Variants in DSTYK observed in about 807,000 individuals in gnomAD.
The protein encoded by DSTYK is dual serine/threonine and tyrosine protein kinase.
DSTYK carries 34 observed loss-of-function variants against 98.7 expected under a neutral mutation model. That is an observed-to-expected ratio of 0.34 (90% CI 0.26 to 0.46). The LOEUF is 0.46. Among genes scored for constraint, DSTYK ranks in the 20% least tolerant of loss-of-function variants. The pLI is 1.00. For missense variants in DSTYK, 962 were observed against 1,181.7 expected (o/e 0.81, Z 2.73); for synonymous variants, 462 against 457.3 (o/e 1.01, Z -0.13).
Position 205,147,665 on chromosome 1 carries a change from T to C in DSTYK, c.2683A>G (p.Lys895Glu). The C allele has an allele frequency of 6.2e-7, 1 of 1,614,116 alleles. No individual in the cohort carries two copies. The highest frequency in any genetic ancestry group is 2.2e-5 in the East Asian group (1 of 44,870). Residue 895 changes from lysine (K) to glutamate (E), a missense_variant, in exon 13 of 13, where the codon AAG (lysine) becomes GAG (glutamate). Lys to Glu is a moderately conservative substitution (Grantham distance 56). This residue lies in a region of DSTYK where 65 missense variants were observed against 63.9 expected (regional missense o/e 1.02). Coordinates refer to ENST00000367162, the MANE Select transcript of DSTYK (RefSeq NM_015375.3). ...TGGACAATGCCCAAGAGAGGCCTCT[T>C]CAAGGGGTCGCCATCCCAACAGGCT... is the stretch of plus-strand genomic sequence containing the variant. ...MEACWDGDPL[K>E]RPLLGIVQPM...
intron 2 of DSTYK, among the ~76,000 whole-genome samples, chr1:205,184,018 AAAGAG>A (rs1284977736): frequency 1.3e-5 from 2 of 152,198 alleles, no homozygotes; most frequent in Non-Finnish European, 2.9e-5. Context: ...TTCCTCAAGA[AAAGAG>A]AAGAGAGAAT....
intron 1 of DSTYK, among the ~76,000 whole-genome samples, chr1:205,205,891 C>G (rs1177938856): frequency 1.3e-5 from 2 of 152,180 alleles, no homozygotes; most frequent in African/African-American, 4.8e-5. Flanking sequence ...ATAAAAAAAA[C>G]CTGAGAATTA....
At chr1:205,170,268 T>G (rs568760739) in intron 2 of DSTYK, among the ~76,000 whole-genome samples, 1 of 152,176 alleles carries the variant, frequency 6.6e-6, no homozygotes, top group African/African-American at 2.4e-5. Context: ...ATCCCTGCCA[T>G]TCTGACCTGG....
chr1:205,166,466 C>G (rs1482412974), intron 3 of DSTYK, among the ~76,000 whole-genome samples: 1 of 140,830 alleles, frequency 7.1e-6, no homozygotes, highest in Non-Finnish European at 1.5e-5. Context: ...AAGACCTCGT[C>G]TTTACAAAAA....
intron 1 of DSTYK, among the ~76,000 whole-genome samples, chr1:205,208,978 A>C (rs1191920662): frequency 6.6e-6 from 1 of 151,986 alleles, no homozygotes; most frequent in Non-Finnish European, 1.5e-5. Context: ...AATTGCTCCC[A>C]CTCCTGCCAT....
At chr1:205,170,409 C>T (rs1055295709) in intron 2 of DSTYK, among the ~76,000 whole-genome samples, 3 of 152,092 alleles carry the variant, frequency 2.0e-5, no homozygotes, top group Non-Finnish European at 4.4e-5. Flanking sequence ...ATTTATAATC[C>T]ACTTCTTTAA....
intron 2 of DSTYK, among the ~76,000 whole-genome samples, chr1:205,185,962 G>A (rs1658547909): frequency 6.6e-6 from 1 of 152,164 alleles, no homozygotes; most frequent in African/African-American, 2.4e-5. Context: ...AGCGGAGATT[G>A]CAGTGAACTG....
chr1:205,211,112 C>G (rs1659359412), intron 1 of DSTYK, among the ~76,000 whole-genome samples, 159 bp downstream of exon 1: 1 of 152,220 alleles, frequency 6.6e-6, no homozygotes, highest in African/African-American at 2.4e-5. Flanking sequence ...CCAAGGTATC[C>G]CAGATCCGGC....
rs995293139 is a variant in DSTYK, at chr1:205,177,874, A to G, written c.655-8042T>C. Among the ~76,000 whole-genome samples, 9 of 152,236 alleles carry G rather than the reference A, an allele frequency of 5.9e-5. No homozygotes were observed. The South Asian group carries it at 8.3e-4, about 14-fold the overall frequency. ...AGAGCGAGACTTCATCTCAAAAAAA[A>G]AAAAAGAAAAAGAAAATACCTTGAC... On this transcript the variant is annotated intron_variant, in intron 2 of 12. Transcript: ENST00000367162.
chr1:205,147,711 C>T lies in DSTYK; in HGVS notation c.2637G>A (p.Glu879=), dbSNP rs1657281165. The change falls in exon 13 of 13, where the codon GAG becomes GAA. Residue 879 remains glutamate (E), a synonymous_variant. Coordinates refer to ENST00000367162, the MANE Select transcript of DSTYK (RefSeq NM_015375.3). ...ARPERLPVFD[E]ECWQLMEACW... ...AGGCTTCCATCAACTGCCAGCACTC[C>T]TCATCAAACACAGGAAGACGTTCTG... is the stretch of plus-strand genomic sequence containing the variant. 6.2e-7 allele frequency: 1 copy of T among 1,613,988 alleles called. No homozygotes were observed. Among genetic ancestry groups the T allele is most frequent in the East Asian group, 2.2e-5 (1 of 44,870 alleles).
At chr1:205,166,473 A>C (rs879789897) in intron 3 of DSTYK, among the ~76,000 whole-genome samples, 101 of 143,512 alleles carry the variant, frequency 7.0e-4, no homozygotes, top group Non-Finnish European at 7.4e-4. Context: ...CGTCTTTACA[A>C]AAAAAAAAAA....
At chr1:205,199,448 CAG>C (rs1255717697) in intron 1 of DSTYK, among the ~76,000 whole-genome samples, 3 of 152,174 alleles carry the variant, frequency 2.0e-5, no homozygotes, top group Non-Finnish European at 2.9e-5. Flanking sequence ...GGAACTTTCT[CAG>C]AGAGTCTCAT....
At chr1:205,171,852 T>C (rs1380463469) in intron 2 of DSTYK, among the ~76,000 whole-genome samples, 8 of 152,224 alleles carry the variant, frequency 5.3e-5, no homozygotes, top group Admixed American at 4.6e-4. Flanking sequence ...TTAACAGTTA[T>C]CAGATGTTGA....
intron 11 of DSTYK, among the ~76,000 whole-genome samples, chr1:205,149,575 C>T (rs1470101051): frequency 2.0e-5 from 3 of 152,286 alleles, no homozygotes; most frequent in East Asian, 1.9e-4. Flanking sequence ...AAATTTCTCA[C>T]GTTTGTTTGT....
At chr1:205,195,017 G>A (rs1658823967) in intron 1 of DSTYK, among the ~76,000 whole-genome samples, 1 of 146,160 alleles carries the variant, frequency 6.8e-6, no homozygotes, top group African/African-American at 2.5e-5. Context: ...TGTATAGACA[G>A]GATTTCACCA....
intron 1 of DSTYK, among the ~76,000 whole-genome samples, chr1:205,193,151 T>C (rs553962071): frequency 2.0e-5 from 3 of 152,304 alleles, no homozygotes; most frequent in African/African-American, 7.2e-5. Flanking sequence ...AAAGTCTCTT[T>C]GCTAAAAGAA....
At chr1:205,185,741 T>C (rs531726822) in intron 2 of DSTYK, among the ~76,000 whole-genome samples, 2 of 152,262 alleles carry the variant, frequency 1.3e-5, no homozygotes, top group East Asian at 1.9e-4. Context: ...TATAAAAAAG[T>C]AGCCAGGCGT....
At chr1:205,158,817 T>C (rs1481988149) in intron 9 of DSTYK, among the ~76,000 whole-genome samples, 1 of 152,224 alleles carries the variant, frequency 6.6e-6, no homozygotes, top group African/African-American at 2.4e-5. Flanking sequence ...CTCTTAATAG[T>C]GCCTGTCAAT....
intron 1 of DSTYK, among the ~76,000 whole-genome samples, chr1:205,201,785 C>T (rs559182611): frequency 6.6e-6 from 1 of 152,258 alleles, no homozygotes; most frequent in East Asian, 1.9e-4. Flanking sequence ...AAAGGCTGGG[C>T]GCAGTGGTTC....
Sources: gnomAD v4.1 joint callset for allele counts (sites outside exome capture counted in the v4.1 genomes callset) on GRCh38, gnomAD v4.1.1 for gene constraint, gnomAD v4.1.1 regional missense constraint, MANE v1.5 for transcripts, NCBI Gene and HGNC (gene_info 2026-07-23, HGNC 2026-07-21) for gene names.